Variants in PCYT1B observed in about 807,000 individuals in gnomAD.
PCYT1B encodes the protein choline-phosphate cytidylyltransferase B.
A neutral mutation model predicts 26.4 loss-of-function variants in PCYT1B; 10 were observed. The ratio of observed to expected loss-of-function variants is 0.38; its 90% CI spans 0.23 to 0.64. The LOEUF (loss-of-function observed/expected upper bound fraction) is 0.64. PCYT1B is among the 30% of genes least tolerant of loss of function. PCYT1B has a pLI of 0.56. For synonymous variants in PCYT1B, 131 were observed against 108.4 expected, an observed-to-expected ratio of 1.21 and a Z score of -1.29; for missense variants, 161 against 292.7, an observed-to-expected ratio of 0.55 and a Z score of 3.28.
intron 1 of PCYT1B, among the ~76,000 whole-genome samples, chrX:24,670,101 A>AAGG (rs1569261872): frequency 3.5e-3 from 142 of 40,518 alleles, no homozygotes; most frequent in Admixed American, 9.1e-3. Flanking sequence ...AGAAAGAAAG[A>AAGG]AAGAAAGAAA....
chrX:24,585,042 G>A (rs1439202666), intron 5 of PCYT1B, among the ~76,000 whole-genome samples: 2 of 111,685 alleles, frequency 1.8e-5, no homozygotes, highest in Non-Finnish European at 3.8e-5. Context: ...TTAACCCTGG[G>A]AAGGCATGAA....
chrX:24,654,821 G>C (rs1246369102), intron 1 of PCYT1B, among the ~76,000 whole-genome samples: 1 of 107,792 alleles, frequency 9.3e-6, no homozygotes, highest in East Asian at 2.9e-4. Flanking sequence ...GAAAACACGG[G>C]GTAAAGATGA....
At chrX:24,565,784 C>CAAA (rs141453106) in intron 7 of PCYT1B, among the ~76,000 whole-genome samples, 1,308 of 77,509 alleles carry the variant, frequency 0.017, 20 homozygotes, top group African/African-American at 0.047. Context: ...TTCTGTACCT[C>CAAA]AAAAAAAAAA....
intron 1 of PCYT1B, among the ~76,000 whole-genome samples, chrX:24,642,362 C>T (rs1442566322): frequency 1.8e-5 from 2 of 112,549 alleles, no homozygotes; most frequent in African/African-American, 6.4e-5. Flanking sequence ...CTCTGCATTG[C>T]TAAATACTTT....
At chrX:24,664,548 C>G (rs1387731953) in intron 1 of PCYT1B, among the ~76,000 whole-genome samples, 1 of 112,259 alleles carries the variant, frequency 8.9e-6, no homozygotes, top group South Asian at 3.7e-4. Flanking sequence ...AAAGGACGTA[C>G]CATCTCCTGA....
intron 1 of PCYT1B, among the ~76,000 whole-genome samples, chrX:24,630,854 T>C (rs1926058343): frequency 8.9e-6 from 1 of 112,212 alleles, no homozygotes; most frequent in Admixed American, 9.4e-5. Flanking sequence ...TGATGGGTAA[T>C]ACTGTAGTAA....
Position 24,559,773 on chromosome X carries a change from G to C in PCYT1B, c.*2520C>G, listed in dbSNP as rs1413336802. The C allele has an allele frequency of 8.9e-6, 1 of 112,007 alleles. No individual in the cohort carries two copies. The highest frequency in any genetic ancestry group is 3.2e-5 in the African/African-American group (1 of 30,834). The allele number at this position is 112,007 out of a possible 1,213,427, so 9.2% of individuals were successfully genotyped here. ...ACAAAGTGCAACCCGGTCTCTGCCT[G>C]GGAGCAGGGAGGTGGTGTGGGGGTA... On this transcript the variant is annotated 3_prime_UTR_variant, in exon 8 of 8. Transcript: ENST00000379144.
At chrX:24,654,120 T>G (rs1396234651) in intron 1 of PCYT1B, among the ~76,000 whole-genome samples, 1 of 77,240 alleles carries the variant, frequency 1.3e-5, no homozygotes, top group African/African-American at 4.8e-5. Flanking sequence ...TTTTTTTTTT[T>G]GAGATGGAGT....
At chrX:24,578,344 G>T (rs993854645) in intron 6 of PCYT1B, among the ~76,000 whole-genome samples, 2 of 110,636 alleles carry the variant, frequency 1.8e-5, no homozygotes, top group African/African-American at 6.6e-5. Context: ...GTCAGGGGGT[G>T]GGGGGCTAGG....
At chrX:24,602,595 T>C (rs755178189) in intron 3 of PCYT1B, among the ~76,000 whole-genome samples, 1 of 111,036 alleles carries the variant, frequency 9.0e-6, no homozygotes, top group East Asian at 2.8e-4. Flanking sequence ...AGGATATTCA[T>C]AGTAGGGGAA....
rs1926089866 is a variant in PCYT1B at position 24,631,479 on chromosome X, T to C, written c.118-12395A>G. ...TGTGTTTATACCTCAGATCCTTGAA[T>C]AATGTCATTTTGTTCGATGACCTTT... is the stretch of plus-strand genomic sequence containing the variant. On this transcript the variant is annotated intron_variant, in intron 1 of 7. Transcript: ENST00000379144. Among the ~76,000 whole-genome samples the C allele has an allele frequency of 2.7e-5, 3 of 111,580 alleles. No homozygotes were observed. In the South Asian group the frequency reaches 1.1e-3, roughly 42 times the overall value.
chrX:24,604,468 TGATAAG>T (rs1925060472), intron 3 of PCYT1B, among the ~76,000 whole-genome samples: 1 of 112,037 alleles, frequency 8.9e-6, no homozygotes, highest in South Asian at 3.7e-4. Context: ...TTAAATGAGA[TGATAAG>T]AATAAGAAAT....
At chrX:24,568,415 TGTAGTCCCAG>T (rs1172372840) in intron 7 of PCYT1B, among the ~76,000 whole-genome samples, 1 of 111,384 alleles carries the variant, frequency 9.0e-6, no homozygotes, top group Non-Finnish European at 1.9e-5. Context: ...GGTATGCACC[TGTAGTCCCAG>T]GTACTCAGGT....
chrX:24,566,641 T>G (rs1882402), intron 7 of PCYT1B, among the ~76,000 whole-genome samples: 1 of 111,330 alleles, frequency 9.0e-6, no homozygotes, highest in Non-Finnish European at 1.9e-5. Context: ...ATGTAACCCA[T>G]GCAAGGAGAT....
At chrX:24,591,432 AT>A (rs1233546224) in intron 3 of PCYT1B, among the ~76,000 whole-genome samples, 4 of 108,579 alleles carry the variant, frequency 3.7e-5, no homozygotes, top group Middle Eastern at 4.8e-3. Context: ...AAATTCACTA[AT>A]TTTTTTTTGA....
chrX:24,666,467 G>T (rs1033413980), intron 1 of PCYT1B, among the ~76,000 whole-genome samples: 12 of 111,869 alleles, frequency 1.1e-4, no homozygotes, highest in African/African-American at 3.9e-4. Context: ...TTATCATTAA[G>T]TTATTCTATA....
Position 24,647,005 on chromosome X carries a change from C to A in PCYT1B, c.101G>T (p.Cys34Phe), listed in dbSNP as rs1308327349. The change falls in exon 1 of 8, where the codon TGC (cysteine) becomes TTC (phenylalanine). Residue 34 changes from cysteine (C) to phenylalanine (F), a missense_variant. Around this residue, in one of 4 missense-constraint regions of PCYT1B, gnomAD observed 51 missense variants for 51.0 expected, o/e 1.00. Transcript: ENST00000379144. ...SETMEEIEHT[C>F]PQPRLTLTAP... ...TTTACTTACCAGTCGAGGCTGTGGG[C>A]ATGTGTGCTCTATTTCCTCCATGGT... 1 of 1,207,403 alleles carries A rather than the reference C, an allele frequency of 8.3e-7. No individual in the cohort carries two copies. The highest frequency in any genetic ancestry group is 1.1e-6 in the Non-Finnish European group (1 of 891,635).
chrX:24,634,286 C>T (rs1926204044), intron 1 of PCYT1B, among the ~76,000 whole-genome samples: 1 of 111,618 alleles, frequency 9.0e-6, no homozygotes, highest in African/African-American at 3.3e-5. Flanking sequence ...ATGAGGTATC[C>T]TAAAGGGAAT....
intron 7 of PCYT1B, among the ~76,000 whole-genome samples, chrX:24,567,009 A>G (rs1224771108): frequency 8.9e-6 from 1 of 112,544 alleles, no homozygotes; most frequent in African/African-American, 3.2e-5. Context: ...AGGCAAATTC[A>G]AATGCTATAA....
Sources: allele counts gnomAD v4.1 joint callset (sites outside exome capture counted in the v4.1 genomes callset), GRCh38; gene constraint gnomAD v4.1.1; regional missense constraint gnomAD v4.1.1; transcripts MANE v1.5; gene names NCBI Gene and HGNC (gene_info 2026-07-23, HGNC 2026-07-21).